Variants in AGBL1 observed in about 807,000 individuals in gnomAD.
AGBL1 encodes the protein AGBL carboxypeptidase 1.
A neutral mutation model predicts 118.9 loss-of-function variants in AGBL1; 130 were observed. The ratio of observed to expected loss-of-function variants is 1.09; its 90% confidence interval spans 0.95 to 1.26. The LOEUF (loss-of-function observed/expected upper bound fraction) is 1.26. Ranked by LOEUF, AGBL1 falls within the 50% of genes most tolerant of loss-of-function variation. The probability of loss-of-function intolerance (pLI) is 0.00; values close to 1 mark genes in which losing one functional copy is unlikely to be tolerated. For synonymous variants in AGBL1, 555 were observed against 478.9 expected (o/e 1.16, Z -2.08); for missense variants, 1,584 against 1,298.1 (o/e 1.22, Z -3.38).
chr15:86,838,955 A>AAG (rs2079206609), intron 22 of AGBL1, among the ~76,000 whole-genome samples: 1 of 150,206 alleles, frequency 6.7e-6, no homozygotes, highest in Non-Finnish European at 1.5e-5. Context: ...AAAAAAAAAA[A>AAG]AAAAAAAAAA....
chr15:86,891,881 T>C (rs1414622722), intron 22 of AGBL1, among the ~76,000 whole-genome samples: 1 of 152,206 alleles, frequency 6.6e-6, no homozygotes, highest in Non-Finnish European at 1.5e-5. Flanking sequence ...TTTGGTTCAG[T>C]GGAGTTTCAT....
rs752623021 is a variant in AGBL1, at chr15:86,264,884, T to G, written c.1667+46T>G. On this transcript the variant is annotated intron_variant, in intron 11 of 22. Coordinates refer to ENST00000614907, the MANE Select transcript of AGBL1 (RefSeq NM_001386094.1). ...GGAGCTCTTTTTTTCTGTTCTTTGA[T>G]AATTTTATAAGTAAAATGGTTTGTA... is the stretch of plus-strand genomic sequence containing the variant. 5 of 1,454,688 alleles carry G rather than the reference T, an allele frequency of 3.4e-6. No individual in the cohort carries two copies. The East Asian group carries it at 9.1e-5, about 26-fold the overall frequency. 90.1% of individuals were successfully genotyped at this position (1,454,688 alleles called of 1,614,324 possible). A position where few individuals can be genotyped will look rare whatever the true frequency, so the allele number is the denominator to read the frequency against.
rs140439180 is a variant in AGBL1, at chr15:86,117,612, A to G, written c.52-24392A>G. 9.6e-4 allele frequency among the ~76,000 whole-genome samples: 147 copies of G among 152,366 alleles called. 1 individual carries two copies. In the East Asian group the frequency reaches 0.021, roughly 22 times the overall value. ...GTTTTTAGTGCATATCAAGCAATGTATAATGTGCAATGATTAACACTTCAC... is the reference window on the plus strand; with the variant it reads ...GTTTTTAGTGCATATCAAGCAATGTGTAATGTGCAATGATTAACACTTCAC... On this transcript the variant is annotated intron_variant, in intron 1 of 22. Transcript: ENST00000614907.
rs2084689341 is a variant in AGBL1, at chr15:86,613,898, G to A, written c.2994+59361G>A. 6.6e-6 allele frequency among the ~76,000 whole-genome samples: 1 copy of A among 152,158 alleles called. No homozygotes were observed. The highest frequency in any genetic ancestry group is 2.4e-5 in the African/African-American group (1 of 41,444). ...CTGAGTGAAAAGACCAATCTCTAGG[G>A]ATGTTATTCAAAGTAGTTCAAATAA... On this transcript the variant is annotated intron_variant, in intron 21 of 22. Transcript: ENST00000614907. This position sits in a 1 kb window ranked among gnomAD's most constrained non-coding sequence, Gnocchi z 4.2.
intron 1 of AGBL1, among the ~76,000 whole-genome samples, chr15:86,126,135 T>C (rs1427364819): frequency 2.6e-5 from 4 of 152,226 alleles, no homozygotes; most frequent in Admixed American, 2.6e-4. Context: ...CTATTTTTTT[T>C]CTATTATCTT....
At chr15:86,269,157 C>A (rs1198152516) in intron 13 of AGBL1, among the ~76,000 whole-genome samples, 1 of 152,112 alleles carries the variant, frequency 6.6e-6, no homozygotes, top group East Asian at 1.9e-4. Flanking sequence ...TAGATAAATT[C>A]ATGGAGCTGT....
chr15:86,402,187 GTTATTTAT>G (rs58824729), intron 18 of AGBL1, among the ~76,000 whole-genome samples: 11 of 151,228 alleles, frequency 7.3e-5, no homozygotes, highest in Admixed American at 2.0e-4. Flanking sequence ...GTATTTCTAG[GTTATTTAT>G]TTATTTATTT....
intron 18 of AGBL1, among the ~76,000 whole-genome samples, chr15:86,463,645 G>T (rs1385192145): frequency 6.6e-6 from 1 of 152,142 alleles, no homozygotes; most frequent in Non-Finnish European, 1.5e-5. Flanking sequence ...TCCAGTTTCA[G>T]TTTTCTGCAT....
chr15:86,537,610 C>T (rs751175771), intron 19 of AGBL1, among the ~76,000 whole-genome samples: 8 of 152,274 alleles, frequency 5.3e-5, no homozygotes, highest in East Asian at 1.9e-4. Context: ...TTCAAATACG[C>T]GAATTGAGAG....
Position 86,984,447 on chromosome 15 carries a change from C to T in AGBL1, c.3222-3540C>T, listed in dbSNP as rs183384737. 1.8e-3 allele frequency among the ~76,000 whole-genome samples: 276 copies of T among 151,602 alleles called. 1 individual carries two copies. Among genetic ancestry groups the T allele is most frequent in the Admixed American group, 4.5e-3 (69 of 15,258 alleles). ...TGGCGTGATCTCGGCTCACTGCAAC[C>T]TCCGCCCCGCTGGGTTCGAGCAATT... On this transcript the variant is annotated intron_variant, in intron 23 of 24. Coordinates refer to the AGBL1 transcript ENST00000441037.
chr15:86,375,671 C>T (rs1215653109), intron 17 of AGBL1, among the ~76,000 whole-genome samples: 1 of 152,220 alleles, frequency 6.6e-6, no homozygotes, highest in African/African-American at 2.4e-5. Flanking sequence ...GTGCTGACCA[C>T]ATGAGCAAGT....
At chr15:86,856,893 G>T (rs1342619233) in intron 22 of AGBL1, among the ~76,000 whole-genome samples, 1 of 152,192 alleles carries the variant, frequency 6.6e-6, no homozygotes, top group African/African-American at 2.4e-5. Flanking sequence ...AAGTGGTGAA[G>T]CTAATGGCAG....
chr15:86,732,684 C>T (rs1366259932), intron 22 of AGBL1, among the ~76,000 whole-genome samples: 1 of 152,052 alleles, frequency 6.6e-6, no homozygotes, highest in East Asian at 1.9e-4. Flanking sequence ...GACTAGACTG[C>T]TTGGAATTGA....
intron 1 of AGBL1, among the ~76,000 whole-genome samples, chr15:86,086,973 T>A (rs1268096457): frequency 6.6e-6 from 1 of 152,194 alleles, no homozygotes; most frequent in African/African-American, 2.4e-5. Context: ...GTTGAGTATA[T>A]ATCTAGGGGT....
intron 22 of AGBL1, among the ~76,000 whole-genome samples, chr15:86,732,346 C>A (rs930124329): frequency 6.6e-6 from 1 of 152,112 alleles, no homozygotes; most frequent in African/African-American, 2.4e-5. Context: ...TCTACTCCAC[C>A]ACAGCTGGAA....
chr15:86,087,510 G>A (rs534012678), intron 1 of AGBL1, among the ~76,000 whole-genome samples: 1 of 152,134 alleles, frequency 6.6e-6, no homozygotes, highest in Admixed American at 6.5e-5. Context: ...TGTATTTTTA[G>A]TAGAGGCTGG....
intron 22 of AGBL1, among the ~76,000 whole-genome samples, chr15:86,678,505 T>C (rs1325502345): frequency 1.3e-5 from 2 of 152,166 alleles, no homozygotes; most frequent in Admixed American, 6.5e-5. Context: ...AAAAAAGTTA[T>C]ATTTACATTT....
At chr15:86,283,091 T>C (rs1183990086) in intron 16 of AGBL1, among the ~76,000 whole-genome samples, 1 of 152,150 alleles carries the variant, frequency 6.6e-6, no homozygotes, top group Non-Finnish European at 1.5e-5. Context: ...AAGAAAGAAA[T>C]ATACTATTGT....
At chr15:86,086,320 G>A (rs1895650455) in intron 1 of AGBL1, 1 of 152,126 alleles carries the variant, frequency 6.6e-6, no homozygotes, top group African/African-American at 2.4e-5. Context: ...TTCAGAAATG[G>A]GTGTATGGAA....
Sources: allele counts gnomAD v4.1 joint callset (sites outside exome capture counted in the v4.1 genomes callset), GRCh38; gene constraint gnomAD v4.1.1; non-coding constraint Gnocchi (gnomAD v3.1); transcripts MANE v1.5; gene names NCBI Gene and HGNC (gene_info 2026-07-23, HGNC 2026-07-21).